Variants in PTPRM observed in about 807,000 individuals in gnomAD.
PTPRM encodes protein tyrosine phosphatase receptor type M, also known as receptor-type tyrosine-protein phosphatase mu.
Under a neutral mutation model 186.7 loss-of-function variants are expected in PTPRM, and 47 were observed. That is an observed-to-expected ratio of 0.25 (90% CI 0.20 to 0.32). PTPRM has a LOEUF of 0.32. Among genes scored for constraint, PTPRM ranks in the 10% least tolerant of loss-of-function variants. PTPRM has a pLI of 1.00. For missense variants in PTPRM, 1,494 were observed against 1,865.0 expected (o/e 0.80, Z 3.66); for synonymous variants, 668 against 674.9 (o/e 0.99, Z 0.16).
chr18:8,163,027 A>G (rs1227258019), intron 14 of PTPRM, among the ~76,000 whole-genome samples: 2 of 152,154 alleles, frequency 1.3e-5, no homozygotes, highest in Non-Finnish European at 2.9e-5. Context: ...CCTTCCTGCA[A>G]CCAGTGTCCA....
intron 5 of PTPRM, among the ~76,000 whole-genome samples, chr18:7,938,318 C>T (rs1328997699): frequency 1.3e-5 from 2 of 152,128 alleles, no homozygotes; most frequent in Non-Finnish European, 2.9e-5. Context: ...TATTTTAAGG[C>T]ATATTGACTA....
intron 1 of PTPRM, among the ~76,000 whole-genome samples, chr18:7,697,666 T>G (rs1034653095): frequency 2.0e-5 from 3 of 152,198 alleles, no homozygotes; most frequent in African/African-American, 7.2e-5. Flanking sequence ...TCAATCCTTA[T>G]GAGTAATATA....
chr18:7,717,723 C>G (rs560783779), intron 1 of PTPRM, among the ~76,000 whole-genome samples: 1 of 152,332 alleles, frequency 6.6e-6, no homozygotes, highest in East Asian at 1.9e-4. Flanking sequence ...GGCAATCCTG[C>G]CTGGATGCTG....
At chr18:8,341,682 G>GC (rs56361813) in intron 22 of PTPRM, among the ~76,000 whole-genome samples, 70,641 of 149,266 alleles carry the variant, frequency 0.47, 17,663 homozygotes, top group Middle Eastern at 0.65. Flanking sequence ...ACCTAGTGAA[G>GC]CCCCCCCCCC....
At chr18:7,936,109 G>A (rs1000240116) in intron 5 of PTPRM, among the ~76,000 whole-genome samples, 3 of 152,184 alleles carry the variant, frequency 2.0e-5, no homozygotes, top group Non-Finnish European at 2.9e-5. Flanking sequence ...TGGGGCTGGC[G>A]GGAACTGGGA....
At chr18:8,250,966 GCAGCACA>G in intron 17 of PTPRM, among the ~76,000 whole-genome samples, 1 of 152,140 alleles carries the variant, frequency 6.6e-6, no homozygotes, top group Non-Finnish European at 1.5e-5. Context: ...CAATTTCATA[GCAGCACA>G]CAAGAAGCCT....
chr18:7,674,158 T>G (rs1197012986), intron 1 of PTPRM, among the ~76,000 whole-genome samples: 1 of 152,092 alleles, frequency 6.6e-6, no homozygotes, highest in Non-Finnish European at 1.5e-5. Context: ...TTGGAGCCAC[T>G]TGGAGTGTTT....
At chr18:8,151,756 T>C (rs1306870502) in intron 14 of PTPRM, among the ~76,000 whole-genome samples, 6 of 151,790 alleles carry the variant, frequency 4.0e-5, no homozygotes, top group Middle Eastern at 6.8e-3. Context: ...CCATCTTGTT[T>C]TGTGCTTGAA....
chr18:8,250,789 C>CA (rs112146808), intron 17 of PTPRM, among the ~76,000 whole-genome samples: 11,027 of 106,736 alleles, frequency 0.1, 766 homozygotes, highest in African/African-American at 0.25. Flanking sequence ...ACCCTGTCTC[C>CA]AAAAAAAAAA....
chr18:8,250,259 G>A (rs1014714288), intron 17 of PTPRM, among the ~76,000 whole-genome samples: 1 of 152,086 alleles, frequency 6.6e-6, no homozygotes, highest in African/African-American at 2.4e-5. Context: ...TGGATGGATG[G>A]ATGGATGGAT....
At chr18:7,721,663 G>A (rs770597373) in intron 1 of PTPRM, among the ~76,000 whole-genome samples, 2 of 152,006 alleles carry the variant, frequency 1.3e-5, no homozygotes, top group Non-Finnish European at 2.9e-5. Context: ...ATTTTTGCAC[G>A]TGGATATCCA....
At chr18:8,380,216 T>C (rs1227863968) in intron 28 of PTPRM, 80 bp from the exon 29 acceptor site, 5 of 1,482,850 alleles carry the variant, frequency 3.4e-6, no homozygotes, top group Non-Finnish European at 4.6e-6. Flanking sequence ...GCCACAAGCT[T>C]CCTTCTGCAT....
chr18:7,666,453 A>C (rs1275847865), intron 1 of PTPRM, among the ~76,000 whole-genome samples: 1 of 152,216 alleles, frequency 6.6e-6, no homozygotes, highest in East Asian at 1.9e-4. Context: ...TAGCATAAAC[A>C]CTGGGGCACC....
chr18:7,727,590 T>G (rs1265875666), intron 1 of PTPRM, among the ~76,000 whole-genome samples: 3 of 152,198 alleles, frequency 2.0e-5, no homozygotes, highest in Non-Finnish European at 4.4e-5. Flanking sequence ...ATGTCAAATT[T>G]GGATTTATGT....
At chr18:8,020,852 C>T (rs2085173341) in intron 7 of PTPRM, among the ~76,000 whole-genome samples, 1 of 152,128 alleles carries the variant, frequency 6.6e-6, no homozygotes. Context: ...AGCACAGAAC[C>T]TGAACGTGCT....
intron 23 of PTPRM, among the ~76,000 whole-genome samples, chr18:8,354,294 G>T (rs183886996): frequency 6.6e-6 from 1 of 152,196 alleles, no homozygotes; most frequent in Admixed American, 6.5e-5. Context: ...GAGAAAAGAG[G>T]AGGACTCACA....
chr18:8,405,430 A>G (rs1258712738), intron 32 of PTPRM, among the ~76,000 whole-genome samples: 3 of 151,988 alleles, frequency 2.0e-5, no homozygotes, highest in African/African-American at 7.3e-5. Flanking sequence ...GGCTGCCTCC[A>G]CTCCACGCAT....
intron 1 of PTPRM, among the ~76,000 whole-genome samples, chr18:7,712,182 C>A (rs1431050420): frequency 6.6e-6 from 1 of 152,200 alleles, no homozygotes; most frequent in Non-Finnish European, 1.5e-5. Flanking sequence ...GCTATCTTTA[C>A]TGTTCCGTAG....
intron 1 of PTPRM, among the ~76,000 whole-genome samples, chr18:7,627,470 C>T (rs2038088655): frequency 6.6e-6 from 1 of 152,144 alleles, no homozygotes; most frequent in African/African-American, 2.4e-5. Flanking sequence ...TCCCAGTGAC[C>T]ACCCATCTTT....
Sources: allele counts gnomAD v4.1 joint callset (sites outside exome capture counted in the v4.1 genomes callset), GRCh38; gene constraint gnomAD v4.1.1; transcripts MANE v1.5; gene names NCBI Gene and HGNC (gene_info 2026-07-23, HGNC 2026-07-21).